The following HOXD3 variants were observed in gnomAD, a reference collection of about 807,000 sequenced individuals.
The protein encoded by HOXD3 is homeobox protein Hox-D3.
In HOXD3, 13 loss-of-function variants were observed where a neutral mutation model predicts 32.8. That is an observed-to-expected ratio of 0.40 (90% CI 0.26 to 0.63). The LOEUF is 0.63. Ranked by LOEUF, HOXD3 falls within the 20% of genes least tolerant of loss-of-function variation. The probability of loss-of-function intolerance (pLI) is 0.44; values close to 1 mark genes in which losing one functional copy is unlikely to be tolerated. For synonymous variants in HOXD3, 241 were observed against 246.8 expected (o/e 0.98, Z 0.22); for missense variants, 504 against 577.1 (o/e 0.87, Z 1.30).
intron 1 of HOXD3, among the ~76,000 whole-genome samples, chr2:176,158,624 G>A (rs1690702707): frequency 6.6e-6 from 1 of 152,138 alleles, no homozygotes; most frequent in Admixed American, 6.5e-5. Context: ...ATTTTTTGGT[G>A]TGTGTATATT....
At chr2:176,155,943 C>T (rs935374937), upstream of HOXD3, among the ~76,000 whole-genome samples, 7 of 152,216 alleles carry the variant, frequency 4.6e-5, no homozygotes, top group East Asian at 1.9e-4. Context: ...TCTGTTCACA[C>T]GAGATGCTTT....
chr2:176,166,469 G>T (rs1574983921), intron 2 of HOXD3, among the ~76,000 whole-genome samples: 1 of 152,214 alleles, frequency 6.6e-6, no homozygotes, highest in Non-Finnish European at 1.5e-5. Flanking sequence ...AGAGGGTTAA[G>T]ACTGAAAGCA....
rs779975723 is a variant in HOXD3, at chr2:176,171,542, G to T, written c.567G>T (p.Pro189=). 2.2e-5 allele frequency: 35 copies of T among 1,596,196 alleles called. No homozygotes were observed. Among genetic ancestry groups the T allele is most frequent in the Non-Finnish European group, 3.0e-5 (35 of 1,170,186 alleles). ...TAGESCEDKS[P]PGPASKRVRT... is the part of the protein sequence containing the mutation. Reference sequence around the variant, plus strand: ...GAGAGAGCTGCGAGGACAAGAGCCCGCCAGGCCCAGCATCCAAGCGGGTAC... The same window carrying T: ...GAGAGAGCTGCGAGGACAAGAGCCCTCCAGGCCCAGCATCCAAGCGGGTAC... The change falls in exon 4 of 4, where the codon CCG becomes CCT. Residue 189 remains proline (P), a synonymous_variant. Coordinates refer to ENST00000683222, the MANE Select transcript of HOXD3 (RefSeq NM_006898.5).
At chr2:176,170,394 C>T (rs538528167) in intron 3 of HOXD3, among the ~76,000 whole-genome samples, 12 of 152,300 alleles carry the variant, frequency 7.9e-5, no homozygotes, top group African/African-American at 2.9e-4. Context: ...TTGGATTTCT[C>T]TAACTGGAAG....
intron 1 of HOXD3, among the ~76,000 whole-genome samples, chr2:176,158,959 C>G (rs1207689293): frequency 6.6e-6 from 1 of 152,086 alleles, no homozygotes; most frequent in Non-Finnish European, 1.5e-5. Context: ...GGCACTGGCC[C>G]GGGCTATTTT....
At chr2:176,169,004 TG>T in intron 2 of HOXD3, 26 bp from the exon 3 acceptor site, 1 of 1,470,068 alleles carries the variant, frequency 6.8e-7, no homozygotes, top group East Asian at 2.4e-5. Context: ...ACACTCCCTC[TG>T]GGGCCTCTTG....
At position 176,171,757 on chromosome 2, in the gene HOXD3, C is replaced by T. The variant is rs776045427; in HGVS notation, c.782C>T (p.Ser261Leu). The change falls in exon 4 of 4, where the codon TCG becomes TTG. Residue 261 changes from serine (S) to leucine (L), a missense_variant. Around this residue, in one of 3 missense-constraint regions of HOXD3, gnomAD observed 226 missense variants for 246.9 expected, o/e 0.92. Coordinates refer to ENST00000683222, the MANE Select transcript of HOXD3 (RefSeq NM_006898.5). ...CAGAAGGCCAAGGGCATCCTGCACT[C>T]GCCGGCTAGCCAGTCCCCTGAGCGC... ...KDQKAKGILH[S>L]PASQSPERSP... The T allele has an allele frequency of 3.7e-6, 6 of 1,613,784 alleles. No individual in the cohort carries two copies. The South Asian group carries it at 4.4e-5, about 12-fold the overall frequency.
upstream of HOXD3, among the ~76,000 whole-genome samples, chr2:176,156,826 C>T (rs1401941962): frequency 6.6e-6 from 1 of 152,216 alleles, no homozygotes; most frequent in African/African-American, 2.4e-5. Flanking sequence ...GAGCAGAATG[C>T]ATAAAATCAG....
At chr2:176,160,578 A>G (rs1049868615) in intron 1 of HOXD3, among the ~76,000 whole-genome samples, 1 of 152,220 alleles carries the variant, frequency 6.6e-6, no homozygotes, top group Non-Finnish European at 1.5e-5. Flanking sequence ...TTCAGCCTCA[A>G]TCAGTACAAG....
At chr2:176,158,094 A>T (rs1574976940) in intron 1 of HOXD3, among the ~76,000 whole-genome samples, 1 of 152,068 alleles carries the variant, frequency 6.6e-6, no homozygotes. Context: ...CTCTCTCCCC[A>T]CCCAAGTTCT....
upstream of HOXD3, chr2:176,152,745 C>T: frequency 1.2e-6 from 2 of 1,614,212 alleles, no homozygotes; most frequent in Non-Finnish European, 1.7e-6. The surrounding 1 kb of genome is among the most constrained non-coding windows in gnomAD (Gnocchi z 5.2). Flanking sequence ...CGCTCACACC[C>T]TGTGTCTGTC....
chr2:176,157,248 A>G (rs1319440201), upstream of HOXD3, among the ~76,000 whole-genome samples: 3 of 152,160 alleles, frequency 2.0e-5, no homozygotes, highest in African/African-American at 2.4e-5. Flanking sequence ...ATAGATTTCT[A>G]CAAGTCCCGA....
intron 2 of HOXD3, among the ~76,000 whole-genome samples, 180 bp from the exon 3 acceptor site, chr2:176,168,851 G>A (rs150341296): frequency 2.0e-5 from 3 of 152,200 alleles, no homozygotes; most frequent in Non-Finnish European, 2.9e-5. Flanking sequence ...TCCAGCCTGG[G>A]CAACAAGCAA....
chr2:176,167,456 A>G (rs1691009431), intron 2 of HOXD3, among the ~76,000 whole-genome samples: 1 of 152,218 alleles, frequency 6.6e-6, no homozygotes, highest in South Asian at 2.1e-4. Context: ...CAAAAGTAAA[A>G]GGTCTAGAAA....
chr2:176,158,410 G>A (rs1290166833), intron 1 of HOXD3, among the ~76,000 whole-genome samples: 1 of 152,214 alleles, frequency 6.6e-6, no homozygotes, highest in Non-Finnish European at 1.5e-5. Context: ...CCAGGGTCGT[G>A]GGCTGGGGCA....
chr2:176,169,079 C>T lies in HOXD3; in HGVS notation c.-36C>T, dbSNP rs1357575483. On this transcript the variant is annotated 5_prime_UTR_variant, in exon 3 of 4. Transcript: ENST00000683222. ...CCCAGCTCTCTCAGGATTCAGCAGACATTGGAGGTGGCAGTGAAGGATACA... is the reference window on the plus strand; with the variant it reads ...CCCAGCTCTCTCAGGATTCAGCAGATATTGGAGGTGGCAGTGAAGGATACA... 6.4e-7 allele frequency: 1 copy of T among 1,565,934 alleles called. No individual in the cohort carries two copies. The highest frequency in any genetic ancestry group is 2.2e-5 in the East Asian group (1 of 44,464).
chr2:176,172,022 C>T lies in HOXD3; in HGVS notation c.1047C>T (p.Ala349=), dbSNP rs1443044906. 1.2e-6 allele frequency: 2 copies of T among 1,607,674 alleles called. No homozygotes were observed. Among genetic ancestry groups the T allele is most frequent in the African/African-American group, 1.3e-5 (1 of 75,038 alleles). ...MASNGGGFAS[A]NLQGSPVYVG... ...GCAACGGCGGCGGCTTCGCCAGCGC[C>T]AACTTGCAGGGCAGCCCGGTGTACG... The change falls in exon 4 of 4, where the codon GCC becomes GCT. Residue 349 remains alanine (A), a synonymous_variant. Coordinates refer to ENST00000683222, the MANE Select transcript of HOXD3 (RefSeq NM_006898.5).
Position 176,171,874 on chromosome 2 carries a change from C to T in HOXD3, c.899C>T (p.Pro300Leu). The change falls in exon 4 of 4, where the codon CCT becomes CTT. Residue 300 changes from proline (P) to leucine (L), a missense_variant. Physicochemically the swap from Pro to Leu is moderately conservative, Grantham distance 98. Transcript: ENST00000683222. The part of the protein sequence containing the change: ...PGLAYDAPSP[P>L]AFAKSQPNMY... ...CTGGCCTACGACGCGCCCTCGCCGC[C>T]TGCTTTCGCCAAATCACAGCCCAAT... 1 of 1,601,836 alleles carries T rather than the reference C, an allele frequency of 6.2e-7. No individual in the cohort carries two copies. The highest frequency in any genetic ancestry group is 8.5e-7 in the Non-Finnish European group (1 of 1,174,696).
chr2:176,168,586 C>CAAA (rs1691066061), intron 2 of HOXD3, among the ~76,000 whole-genome samples: 1 of 150,686 alleles, frequency 6.6e-6, no homozygotes, highest in African/African-American at 2.4e-5. Flanking sequence ...CAAAACAAAA[C>CAAA]ACTAAGACAT....
Sources: allele counts gnomAD v4.1 joint callset (sites outside exome capture counted in the v4.1 genomes callset), GRCh38; gene constraint gnomAD v4.1.1; regional missense constraint gnomAD v4.1.1; non-coding constraint Gnocchi (gnomAD v3.1); transcripts MANE v1.5; gene names NCBI Gene and HGNC (gene_info 2026-07-23, HGNC 2026-07-21).